Variants in GATAD2A observed in about 807,000 individuals in gnomAD.
GATAD2A encodes GATA zinc finger domain containing 2A, also known as transcriptional repressor p66-alpha.
A neutral mutation model predicts 68.5 loss-of-function variants in GATAD2A; 12 were observed. That is an observed-to-expected ratio of 0.18 (90% confidence interval 0.11 to 0.28). The LOEUF is 0.28. Ranked by LOEUF, GATAD2A falls within the 10% of genes least tolerant of loss-of-function variation. The pLI is 1.00. For missense variants in GATAD2A, 755 were observed against 868.5 expected (o/e 0.87, Z 1.64); for synonymous variants, 410 against 375.3 (o/e 1.09, Z -1.07).
At chr19:19,497,531 G>A (rs2060233117) in intron 7 of GATAD2A, among the ~76,000 whole-genome samples, 1 of 152,206 alleles carries the variant, frequency 6.6e-6, no homozygotes, top group African/African-American at 2.4e-5. Context: ...AGGGGAACTG[G>A]CTGGTCAGAG....
intron 7 of GATAD2A, 23 bp from the exon 8 acceptor site, chr19:19,498,420 G>C: frequency 3.1e-6 from 5 of 1,593,512 alleles, no homozygotes; most frequent in Non-Finnish European, 4.3e-6. Context: ...GGAGCGCCCT[G>C]ACTGAGTTTT....
intron 1 of GATAD2A, among the ~76,000 whole-genome samples, chr19:19,454,449 A>G (rs2056726573): frequency 6.6e-6 from 1 of 151,916 alleles, no homozygotes; most frequent in East Asian, 2.0e-4. Context: ...AATACAAAAA[A>G]TTAGCTGGGT....
chr19:19,498,523 C>A lies in GATAD2A; in HGVS notation c.1005C>A (p.Val335=). ...CCCCCACTAGTGTGGCCTCTGTGGTCACCTCTGCCGAGTCTCCAGCAAGCC... is the reference window on the plus strand; with the variant it reads ...CCCCCACTAGTGTGGCCTCTGTGGTAACCTCTGCCGAGTCTCCAGCAAGCC... The part of the protein sequence containing the change: ...NSTPTSVASV[V]TSAESPASRQ... Residue 335 remains valine, a synonymous_variant, in exon 8 of 12, where the codon GTC becomes GTA. Coordinates refer to ENST00000683918, the MANE Select transcript of GATAD2A (RefSeq NM_001384528.1). The A allele has an allele frequency of 6.2e-7, 1 of 1,613,848 alleles. No homozygotes were observed. The highest frequency in any genetic ancestry group is 8.5e-7 in the Non-Finnish European group (1 of 1,179,920).
At chr19:19,393,216 T>C (rs1267708165) in intron 1 of GATAD2A, among the ~76,000 whole-genome samples, 1 of 151,994 alleles carries the variant, frequency 6.6e-6, no homozygotes, top group African/African-American at 2.4e-5. Flanking sequence ...GGCACAAGAA[T>C]GGCTTGAACC....
At chr19:19,457,023 T>C (rs771040673) in intron 1 of GATAD2A, 43 of 847,316 alleles carry the variant, frequency 5.1e-5, no homozygotes, top group Middle Eastern at 1.2e-3. Context: ...CAGATTTGGA[T>C]GAAACCCTGA....
chr19:19,498,861 A>AC (rs1200516511), intron 8 of GATAD2A, 139 bp downstream of exon 8: 1 of 681,982 alleles, frequency 1.5e-6, no homozygotes, highest in East Asian at 2.6e-5. Flanking sequence ...TGGCAGGGAC[A>AC]CCGTCAGTGC....
chr19:19,386,102 C>T (rs547257650), exon 1 of GATAD2A: 1 of 152,300 alleles, frequency 6.6e-6, no homozygotes, highest in South Asian at 2.1e-4. Context: ...CGCCCGAGGC[C>T]GTCGGCCGCC....
chr19:19,473,972 C>T (rs1040678498), intron 2 of GATAD2A: 2 of 872,550 alleles, frequency 2.3e-6, no homozygotes, highest in Admixed American at 1.2e-4. Flanking sequence ...CACATATTAA[C>T]ACCCAAGCCT....
chr19:19,476,399 C>T (rs2058679825), intron 2 of GATAD2A, among the ~76,000 whole-genome samples: 1 of 152,238 alleles, frequency 6.6e-6, no homozygotes, highest in South Asian at 2.1e-4. Context: ...ACAGGCTTCT[C>T]TTCCTGTAAC....
At chr19:19,483,747 T>C (rs979480966) in intron 2 of GATAD2A, among the ~76,000 whole-genome samples, 5 of 150,570 alleles carry the variant, frequency 3.3e-5, no homozygotes, top group Admixed American at 3.3e-4. Flanking sequence ...CCCGAGTAGC[T>C]GGGACTACAG....
chr19:19,421,830 C>CT (rs2052458534), intron 1 of GATAD2A, among the ~76,000 whole-genome samples: 1 of 142,262 alleles, frequency 7.0e-6, no homozygotes, highest in Non-Finnish European at 1.6e-5. Flanking sequence ...TTTTTTTCTT[C>CT]TTTTTTGAGA....
intron 1 of GATAD2A, among the ~76,000 whole-genome samples, chr19:19,414,894 GAGGATGGGGC>G (rs1255516535): frequency 7.0e-6 from 1 of 143,782 alleles, no homozygotes; most frequent in Non-Finnish European, 1.5e-5. Flanking sequence ...TCTGTAGGGT[GAGGATGGGGC>G]AGGACATGGG....
chr19:19,422,674 ATG>A (rs1274232367), intron 1 of GATAD2A, among the ~76,000 whole-genome samples: 17 of 151,122 alleles, frequency 1.1e-4, no homozygotes, highest in Admixed American at 8.6e-4. Flanking sequence ...GGTGTGGAGT[ATG>A]TGTACAGCCT....
At chr19:19,441,141 C>G (rs1229968818) in intron 1 of GATAD2A, among the ~76,000 whole-genome samples, 2 of 151,264 alleles carry the variant, frequency 1.3e-5, no homozygotes, top group Non-Finnish European at 2.9e-5. Flanking sequence ...CTTCACGTTT[C>G]AAGTGATTCT....
rs1419654661 is a variant in GATAD2A, at chr19:19,502,310, AC to A, written c.1579-15del. The stretch of plus-strand genomic sequence containing the variant: ...CTGTCTTTTCCCTGCATGAGCCGTC[AC>A]CCCCCTTTCTCCACTGCAGGCCTCC... On this transcript the variant is annotated intron_variant, in intron 10 of 11. Transcript: ENST00000683918. 5.7e-6 allele frequency: 9 copies of A among 1,576,874 alleles called. No individual in the cohort carries two copies. The highest frequency in any genetic ancestry group is 7.8e-6 in the Non-Finnish European group (9 of 1,152,078).
chr19:19,392,852 G>A (rs1188507733), intron 1 of GATAD2A, among the ~76,000 whole-genome samples: 1 of 151,868 alleles, frequency 6.6e-6, no homozygotes, highest in African/African-American at 2.4e-5. Context: ...GTGCACCACT[G>A]CGCTCAGCTG....
At chr19:19,456,641 A>G (rs1310035930) in intron 1 of GATAD2A, among the ~76,000 whole-genome samples, 2 of 152,218 alleles carry the variant, frequency 1.3e-5, no homozygotes, top group African/African-American at 2.4e-5. Flanking sequence ...GCGCTACAGC[A>G]GAACTTAACC....
In GATAD2A at chr19:19,465,591, C is replaced by G; in HGVS notation, c.246C>G (p.Pro82=). Residue 82 remains proline (P), a synonymous_variant, in exon 2 of 12, where the codon CCC becomes CCG. Transcript: ENST00000683918. ...GRGEGLVGDG[P]VDMRTSHSDM... ...GCGAAGGGCTGGTGGGCGATGGGCC[C>G]GTGGACATGCGCACCTCACACAGGT... 1.2e-6 allele frequency: 2 copies of G among 1,611,218 alleles called. No homozygotes were observed. The highest frequency in any genetic ancestry group is 1.1e-5 in the South Asian group (1 of 90,856).
At chr19:19,499,752 A>G (rs1020254455) in intron 8 of GATAD2A, among the ~76,000 whole-genome samples, 1 of 152,162 alleles carries the variant, frequency 6.6e-6, no homozygotes, top group Non-Finnish European at 1.5e-5. Flanking sequence ...CCTCAAATGT[A>G]GAGTTGCTTG....
Sources: allele counts gnomAD v4.1 joint callset (sites outside exome capture counted in the v4.1 genomes callset), GRCh38; gene constraint gnomAD v4.1.1; transcripts MANE v1.5; gene names NCBI Gene and HGNC (gene_info 2026-07-23, HGNC 2026-07-21).